Variants in C20orf96 observed in about 807,000 individuals in gnomAD.
The protein encoded by C20orf96 is uncharacterized protein C20orf96.
Under a neutral mutation model 52.6 loss-of-function variants are expected in C20orf96, and 57 were observed. The observed-to-expected ratio is 1.08, with a 90% CI of 0.88 to 1.35. C20orf96 has a LOEUF of 1.35. C20orf96 is among the 40% of genes most tolerant of loss of function. C20orf96 has a pLI of 0.00. For missense variants in C20orf96, 478 were observed against 443.6 expected, an observed-to-expected ratio of 1.08 and a Z score of -0.70; for synonymous variants, 168 against 157.2, an observed-to-expected ratio of 1.07 and a Z score of -0.51.
chr20:277,216 G>A lies in C20orf96; in HGVS notation c.723+10C>T, dbSNP rs991198048. ...ACAGTCTGGTGGGAGAGGGGCAGGGGCTCCCCTACCTGCTGGCTGTCCTTA... is the reference window on the plus strand; with the variant it reads ...ACAGTCTGGTGGGAGAGGGGCAGGGACTCCCCTACCTGCTGGCTGTCCTTA... On this transcript the variant is annotated intron_variant, in intron 7 of 10. Coordinates refer to ENST00000360321, the MANE Select transcript of C20orf96 (RefSeq NM_153269.3). The A allele has an allele frequency of 6.2e-6, 10 of 1,613,964 alleles. No homozygotes were observed. The African/African-American group carries it at 1.3e-4, about 22-fold the overall frequency.
intron 9 of C20orf96, 88 bp from the exon 10 acceptor site, chr20:276,174 C>A: frequency 6.3e-7 from 1 of 1,598,082 alleles, no homozygotes; most frequent in Non-Finnish European, 8.5e-7. Flanking sequence ...AGGAGCAAAG[C>A]TATCTGGGGA....
At position 271,132 on chromosome 20, in the gene C20orf96, C is replaced by A. The variant is rs2011816521; in HGVS notation, c.*75G>T. On this transcript the variant is annotated 3_prime_UTR_variant, in exon 11 of 11. Coordinates refer to ENST00000360321, the MANE Select transcript of C20orf96 (RefSeq NM_153269.3). ...ATCAGGGTCTGAATGGAGATCCGGT[C>A]CTGGAAGTAAATGATCCAAGGCTCC... The A allele has an allele frequency of 7.9e-7, 1 of 1,273,188 alleles. No individual in the cohort carries two copies. Among genetic ancestry groups the A allele is most frequent in the East Asian group, 2.6e-5 (1 of 39,082 alleles). 78.9% of individuals were successfully genotyped at this position (1,273,188 alleles called of 1,614,324 possible).
At chr20:287,932 T>TAAAAAAAAAA (rs2012430352) in intron 3 of C20orf96, among the ~76,000 whole-genome samples, 1 of 109,276 alleles carries the variant, frequency 9.2e-6, no homozygotes, top group Non-Finnish European at 1.7e-5. Context: ...AAAAAAAAAG[T>TAAAAAAAAAA]CTTTCACAGA....
intron 6 of C20orf96, 33 bp from the exon 7 acceptor site, chr20:277,416 G>T (rs771817880): frequency 2.2e-5 from 36 of 1,610,028 alleles, no homozygotes; most frequent in Non-Finnish European, 2.9e-5. Context: ...AGCAGGGACA[G>T]GAGGCAAGAC....
chr20:277,269 G>C lies in C20orf96; in HGVS notation c.680C>G (p.Ser227Cys). 4 of 1,613,812 alleles carry C rather than the reference G, an allele frequency of 2.5e-6. No individual in the cohort carries two copies. The highest frequency in any genetic ancestry group is 3.4e-6 in the Non-Finnish European group (4 of 1,179,934). Residue 227 changes from serine (S) to cysteine (C), a missense_variant, in exon 7 of 11, where the codon TCC (serine) becomes TGC (cysteine). By Grantham distance (112) the Ser-to-Cys change is moderately radical. Coordinates refer to ENST00000360321, the MANE Select transcript of C20orf96 (RefSeq NM_153269.3). ...CTGCTGCAGCTGGCGCATAAGAGTG[G>C]AGATCTGGACAGACTTGATGGAATA... The part of the protein sequence containing the change: ...HEYSIKSVQI[S>C]TLMRQLQQVK...
intron 10 of C20orf96, among the ~76,000 whole-genome samples, chr20:274,232 C>T (rs2011944571): frequency 6.6e-6 from 1 of 151,862 alleles, no homozygotes; most frequent in Admixed American, 6.6e-5. Flanking sequence ...TCCTGGTGTT[C>T]CCTTCCACGT....
chr20:288,780 A>G (rs1315558230), intron 3 of C20orf96, among the ~76,000 whole-genome samples: 1 of 152,236 alleles, frequency 6.6e-6, no homozygotes, highest in African/African-American at 2.4e-5. Flanking sequence ...ACATAGATGT[A>G]TACATAAGTA....
At position 281,891 on chromosome 20, in the gene C20orf96, C is replaced by T. The variant is rs148623472; in HGVS notation, c.306+2072G>A. On this transcript the variant is annotated intron_variant, in intron 4 of 10. Transcript: ENST00000360321. ...CTGAGGTGGGAGGATCACCTGGGCT[C>T]GGAAGGTCCAGGCTGCAGTGAGCCA... is the stretch of plus-strand genomic sequence containing the variant. 6.3e-3 allele frequency among the ~76,000 whole-genome samples: 962 copies of T among 152,270 alleles called. 9 individuals are homozygous for T. Among genetic ancestry groups the T allele is most frequent in the Non-Finnish European group, 9.6e-3 (650 of 68,026 alleles).
intron 10 of C20orf96, among the ~76,000 whole-genome samples, chr20:272,522 A>T (rs1242796982): frequency 6.6e-6 from 1 of 152,060 alleles, no homozygotes; most frequent in East Asian, 1.9e-4. Context: ...CATCTGGCTA[A>T]TTTTTTAATT....
At position 277,138 on chromosome 20, in the gene C20orf96, A is replaced by C; in HGVS notation, c.731T>G (p.Leu244Arg). ...QQVKDSQQDE[L>R]DDLGEMRRKV... is the part of the protein sequence containing the mutation. ...TCTGCGCATCTCACCGAGGTCATCC[A>C]GCTCATCCTGGGAGCCAGCAGAAGG... The change falls in exon 8 of 11, where the codon CTG becomes CGG. Residue 244 changes from leucine (L) to arginine (R), a missense_variant. Leu to Arg is a moderately radical substitution (Grantham distance 102). Coordinates refer to ENST00000360321, the MANE Select transcript of C20orf96 (RefSeq NM_153269.3). 6.2e-7 allele frequency: 1 copy of C among 1,613,844 alleles called. No homozygotes were observed. The highest frequency in any genetic ancestry group is 8.5e-7 in the Non-Finnish European group (1 of 1,179,840).
At chr20:290,516 A>T in intron 1 of C20orf96, 75 bp downstream of exon 1, 1 of 1,580,676 alleles carries the variant, frequency 6.3e-7, no homozygotes, top group Non-Finnish European at 8.6e-7. Flanking sequence ...CGAGGGCGGG[A>T]CAGCGGCGGG....
At chr20:282,888 A>T (rs77742283) in intron 4 of C20orf96, among the ~76,000 whole-genome samples, 3,493 of 152,208 alleles carry the variant, frequency 0.023, 128 homozygotes, top group African/African-American at 0.075. Flanking sequence ...AAATTTTTTT[A>T]AAAACTAAGA....
chr20:289,687 T>A lies in C20orf96; in HGVS notation c.70-11A>T, dbSNP rs753605083. ...CCATGGAACATAATCCTACAAAATA[T>A]ACAATCAGTCACATAGCACCATGAG... On this transcript the variant is annotated splice_polypyrimidine_tract_variant and intron_variant, in intron 2 of 10. Coordinates refer to ENST00000360321, the MANE Select transcript of C20orf96 (RefSeq NM_153269.3). The A allele has an allele frequency of 6.3e-7, 1 of 1,597,542 alleles. No individual in the cohort carries two copies. The highest frequency in any genetic ancestry group is 1.3e-5 in the African/African-American group (1 of 74,578).
At chr20:275,831 G>A (rs374380145) in intron 10 of C20orf96, 137 bp downstream of exon 10, 62 of 800,660 alleles carry the variant, frequency 7.7e-5, no homozygotes, top group Non-Finnish European at 1.3e-4. Flanking sequence ...CAGATCCAAG[G>A]TGGAAACCCA....
At position 289,618 on chromosome 20, in the gene C20orf96, A is replaced by C; in HGVS notation, c.128T>G (p.Val43Gly). Reference protein sequence around the residue: ...QETKPSTLPPVQQANSLHTSK... With the variant: ...QETKPSTLPPGQQANSLHTSK... The stretch of plus-strand genomic sequence containing the variant: ...TGTATGAAGGCTGTTGGCTTGTTGG[A>C]CTGGAGGCAGAGTAGATGGCTTGGT... Residue 43 changes from valine to glycine, a missense_variant, in exon 3 of 11, where the codon GTC becomes GGC. Physicochemically the swap from Val to Gly is moderately radical, Grantham distance 109. Transcript: ENST00000360321. The C allele has an allele frequency of 6.2e-7, 1 of 1,614,062 alleles. No homozygotes were observed. The highest frequency in any genetic ancestry group is 8.5e-7 in the Non-Finnish European group (1 of 1,179,972).
In C20orf96 at chr20:284,087, G is replaced by T. The variant is rs766975991; in HGVS notation, c.188-6C>A. On this transcript the variant is annotated splice_polypyrimidine_tract_variant and splice_region_variant and intron_variant, in intron 3 of 10. Transcript: ENST00000360321. ...AGTGGGCTTGAAGTGAAACACTAGG[G>T]GTAGACAGGAAAGGACAGGGAGAGA... 4 of 1,610,440 alleles carry T rather than the reference G, an allele frequency of 2.5e-6. No homozygotes were observed. In the African/African-American group the frequency reaches 5.3e-5, roughly 22 times the overall value.
chr20:287,335 A>C (rs2012413092), intron 3 of C20orf96, among the ~76,000 whole-genome samples: 1 of 152,118 alleles, frequency 6.6e-6, no homozygotes, highest in Non-Finnish European at 1.5e-5. Flanking sequence ...TGGTGTTATC[A>C]CTATTTTTTT....
chr20:271,159 G>C lies in C20orf96; in HGVS notation c.*48C>G, dbSNP rs2011817680. ...TGGAAGTAAATGATCCAAGGCTCCA[G>C]GTGCTGGGAAGAGAGCAGGAGGGGA... On this transcript the variant is annotated 3_prime_UTR_variant, in exon 11 of 11. Coordinates refer to ENST00000360321, the MANE Select transcript of C20orf96 (RefSeq NM_153269.3). 2 of 1,472,166 alleles carry C rather than the reference G, an allele frequency of 1.4e-6. No individual in the cohort carries two copies. Among genetic ancestry groups the C allele is most frequent in the African/African-American group, 2.8e-5 (2 of 71,452 alleles). The allele number at this position is 1,472,166 out of a possible 1,614,324, so 91.2% of individuals were successfully genotyped here.
intron 1 of C20orf96, 108 bp from the exon 2 acceptor site, chr20:290,415 CG>C: frequency 6.4e-7 from 1 of 1,555,044 alleles, no homozygotes; most frequent in Non-Finnish European, 8.7e-7. Flanking sequence ...TGCAGTTTAC[CG>C]GGGACAATAG....
Sources: allele counts gnomAD v4.1 joint callset (sites outside exome capture counted in the v4.1 genomes callset), GRCh38; gene constraint gnomAD v4.1.1; transcripts MANE v1.5; gene names NCBI Gene and HGNC (gene_info 2026-07-23, HGNC 2026-07-21).